ZNF221: variants seen among roughly 807,000 people sequenced by gnomAD.
The protein encoded by ZNF221 is zinc finger protein 221.
Under a neutral mutation model 12.6 loss-of-function variants are expected in ZNF221, and 10 were observed. The ratio of observed to expected loss-of-function variants is 0.79; its 90% CI spans 0.49 to 1.34. The LOEUF (loss-of-function observed/expected upper bound fraction) is 1.34, where lower values mean the gene tolerates loss of function less well. Ranked by LOEUF, ZNF221 falls within the 40% of genes most tolerant of loss-of-function variation. The pLI is 0.00. For synonymous variants in ZNF221, 232 were observed against 244.0 expected, an observed-to-expected ratio of 0.95 and a Z score of 0.46; for missense variants, 661 against 721.4, an observed-to-expected ratio of 0.92 and a Z score of 0.96.
At chr19:43,977,597 G>A in the ZNF221 span, 7 of 152,174 alleles carry the variant, frequency 4.6e-5, no homozygotes, top group Non-Finnish European at 8.8e-5. Flanking sequence ...ATTCTTTGAA[G>A]AACAAATGCG....
chr19:43,964,998 C>G lies in ZNF221; in HGVS notation c.130C>G (p.Leu44Val), dbSNP rs1297150883. 2.5e-6 allele frequency: 4 copies of G among 1,614,152 alleles called. No individual in the cohort carries two copies. The East Asian group carries it at 6.7e-5, about 27-fold the overall frequency. The change falls in exon 3 of 5, where the codon CTG becomes GTG. Residue 44 changes from leucine to valine, a missense_variant. Physicochemically the swap from Leu to Val is conservative, Grantham distance 32. Transcript: ENST00000587682. ...GGCTGTGGTCTTCACTGAGGAGGAG[C>G]TGGGGCTGCTGGACCCTGCCCAGAG... ...DVAVVFTEEELGLLDPAQRKL... is the reference protein window; with the variant it reads ...DVAVVFTEEEVGLLDPAQRKL...
the ZNF221 span, among the ~76,000 whole-genome samples, chr19:43,975,436 G>C: frequency 0.016 from 2,504 of 152,268 alleles, 50 homozygotes; most frequent in South Asian, 0.063. Flanking sequence ...ACTAACACAG[G>C]AACAGAAAAC....
At chr19:43,951,603 A>C (rs1364412081) in intron 1 of ZNF221, among the ~76,000 whole-genome samples, 1 of 152,078 alleles carries the variant, frequency 6.6e-6, no homozygotes, top group African/African-American at 2.4e-5. Context: ...GGTGTTACTT[A>C]ATCTCCCTGG....
intron 2 of ZNF221, among the ~76,000 whole-genome samples, chr19:43,963,116 TTTA>T (rs1974875402): frequency 6.6e-6 from 1 of 152,216 alleles, no homozygotes; most frequent in South Asian, 2.1e-4. Flanking sequence ...TAACTGTATT[TTTA>T]TTGATGACAT....
At chr19:43,968,781 A>C (rs1417136515), downstream of ZNF221, among the ~76,000 whole-genome samples, 2 of 152,344 alleles carry the variant, frequency 1.3e-5, no homozygotes, top group East Asian at 1.9e-4. Flanking sequence ...GCATGGAGCC[A>C]AAGGAAACCT....
chr19:43,972,890 T>G, the ZNF221 span, among the ~76,000 whole-genome samples: 1 of 151,938 alleles, frequency 6.6e-6, no homozygotes, highest in Non-Finnish European at 1.5e-5. Flanking sequence ...GATTCCTCCT[T>G]AACTCTTTTT....
rs1273563530 is a variant in ZNF221 at position 43,966,657 on chromosome 19, G to T, written c.1155G>T (p.Gln385His). 6.2e-7 allele frequency: 1 copy of T among 1,613,516 alleles called. No homozygotes were observed. Among genetic ancestry groups the T allele is most frequent in the Non-Finnish European group, 8.5e-7 (1 of 1,179,894 alleles). The change falls in exon 5 of 5, where the codon CAG (glutamine) becomes CAT (histidine). Residue 385 changes from glutamine (Q) to histidine (H), a missense_variant. Physicochemically the swap from Gln to His is conservative, Grantham distance 24. Transcript: ENST00000587682. ...GTAGGCGAGATTTTTGTAAGCATCA[G>T]ATGGTCCACACAGGAGAGAAACCAT... is the stretch of plus-strand genomic sequence containing the variant. ...FICRRDFCKHQMVHTGEKPYN... is the reference protein window; with the variant it reads ...FICRRDFCKHHMVHTGEKPYN...
downstream of ZNF221, chr19:43,968,111 C>T (rs987787924): frequency 2.6e-5 from 4 of 152,306 alleles, no homozygotes; most frequent in Non-Finnish European, 2.9e-5. Flanking sequence ...GAGTTCATAT[C>T]TCATAGCTTA....
chr19:43,955,133 C>A (rs908860470), intron 1 of ZNF221, among the ~76,000 whole-genome samples: 2 of 151,538 alleles, frequency 1.3e-5, no homozygotes, highest in African/African-American at 4.9e-5. Flanking sequence ...TAAAAACACT[C>A]TGAACATTTG....
downstream of ZNF221, among the ~76,000 whole-genome samples, chr19:43,972,421 A>G (rs1455983638): frequency 6.6e-6 from 1 of 152,168 alleles, no homozygotes; most frequent in Non-Finnish European, 1.5e-5. Flanking sequence ...TCAGAGCAGA[A>G]CTCAAGGAGA....
Position 43,966,455 on chromosome 19 carries a change from G to A in ZNF221, c.953G>A (p.Ser318Asn), listed in dbSNP as rs759418609. ...KPFKCDICGK[S>N]FRVRSRLNRH... ...TTCAAATGTGATATATGTGGTAAGA[G>A]CTTCCGTGTTAGATCAAGACTTAAT... Residue 318 changes from serine to asparagine, a missense_variant, in exon 5 of 5, where the codon AGC becomes AAC. Transcript: ENST00000587682. 8 of 1,614,160 alleles carry A rather than the reference G, an allele frequency of 5.0e-6. No individual in the cohort carries two copies. Among genetic ancestry groups the A allele is most frequent in the Middle Eastern group, 1.6e-4 (1 of 6,062 alleles).
the ZNF221 span, among the ~76,000 whole-genome samples, chr19:43,980,249 A>G: frequency 5.9e-5 from 9 of 152,230 alleles, no homozygotes; most frequent in African/African-American, 2.2e-4. Flanking sequence ...CTTTATTTGT[A>G]TAGGCAGGAG....
chr19:43,972,192 T>C (rs73051806), downstream of ZNF221, among the ~76,000 whole-genome samples: 16,026 of 152,160 alleles, frequency 0.11, 923 homozygotes, highest in East Asian at 0.14. Context: ...GGGTAAATAC[T>C]GAAATTAAGG....
At chr19:43,952,595 A>G (rs1974692600) in intron 1 of ZNF221, among the ~76,000 whole-genome samples, 1 of 152,212 alleles carries the variant, frequency 6.6e-6, no homozygotes, top group Non-Finnish European at 1.5e-5. Context: ...ATTTGCCCAT[A>G]GTTGCCCAAG....
rs776927870 is a variant in ZNF221, at chr19:43,966,514, T to C, written c.1012T>C (p.Phe338Leu). Residue 338 changes from phenylalanine (F) to leucine (L), a missense_variant, in exon 5 of 5, where the codon TTC becomes CTC. Transcript: ENST00000587682. The stretch of plus-strand genomic sequence containing the variant: ...CATGGTTCACACAGGAGAAAAACCA[T>C]TCAGATGTGATACATGTGGCAAGAA... ...HSMVHTGEKP[F>L]RCDTCGKNFR... The C allele has an allele frequency of 1.2e-6, 2 of 1,614,008 alleles. No homozygotes were observed. The highest frequency in any genetic ancestry group is 4.5e-5 in the East Asian group (2 of 44,896).
the ZNF221 span, among the ~76,000 whole-genome samples, chr19:43,979,737 G>T: frequency 1.3e-5 from 2 of 152,100 alleles, no homozygotes; most frequent in Non-Finnish European, 2.9e-5. Flanking sequence ...TATTGATTTT[G>T]TTACTCCGTT....
intron 1 of ZNF221, among the ~76,000 whole-genome samples, chr19:43,954,036 T>C (rs1012018659): frequency 1.5e-5 from 2 of 137,746 alleles, no homozygotes; most frequent in Admixed American, 1.6e-4. Context: ...GAGCAAAGAT[T>C]GCCCCACTGT....
chr19:43,980,895 G>T, the ZNF221 span, among the ~76,000 whole-genome samples: 1 of 145,510 alleles, frequency 6.9e-6, no homozygotes, highest in Non-Finnish European at 1.6e-5. Flanking sequence ...AAGTTTCTCT[G>T]CCATCAGGAC....
chr19:43,952,894 GA>G (rs1004382109), intron 1 of ZNF221, among the ~76,000 whole-genome samples: 2 of 151,886 alleles, frequency 1.3e-5, no homozygotes, highest in Non-Finnish European at 2.9e-5. Flanking sequence ...AATACGACAA[GA>G]AAAAAAGCTT....
Sources: allele counts gnomAD v4.1 joint callset (sites outside exome capture counted in the v4.1 genomes callset), GRCh38; gene constraint gnomAD v4.1.1; transcripts MANE v1.5; gene names NCBI Gene and HGNC (gene_info 2026-07-23, HGNC 2026-07-21).